Variants in CHST9 observed in about 807,000 individuals in gnomAD.
The protein encoded by CHST9 is carbohydrate sulfotransferase 9.
CHST9 carries 41 observed loss-of-function variants against 44.4 expected under a neutral mutation model. The ratio of observed to expected loss-of-function variants is 0.92; its 90% CI spans 0.72 to 1.20. The LOEUF (loss-of-function observed/expected upper bound fraction) is 1.20, where lower values mean the gene tolerates loss of function less well. CHST9 is among the 50% of genes most tolerant of loss of function. CHST9 has a pLI of 0.00. For synonymous variants in CHST9, 171 were observed against 178.4 expected (o/e 0.96, Z 0.33); for missense variants, 504 against 516.5 (o/e 0.98, Z 0.23).
intron 4 of CHST9, among the ~76,000 whole-genome samples, chr18:26,981,158 CA>C (rs753223956): frequency 6.6e-6 from 1 of 152,138 alleles, no homozygotes; most frequent in Non-Finnish European, 1.5e-5. Flanking sequence ...GAATTGGTTA[CA>C]GGCTGAATTT....
At position 27,006,822 on chromosome 18, in the gene CHST9, A is replaced by G. The variant is rs374073820; in HGVS notation, c.202+17294T>C. Among the ~76,000 whole-genome samples the G allele has an allele frequency of 1.4e-4, 22 of 152,342 alleles. 1 individual carries two copies. In the South Asian group the frequency reaches 3.9e-3, roughly 27 times the overall value. ...GAGTCAAAGCCAGCAAAGCCGGGTC[A>G]TTTGAACAGCCTTGGTGCAGGTAAA... On this transcript the variant is annotated intron_variant, in intron 4 of 5. Transcript: ENST00000618847.
intron 1 of CHST9, among the ~76,000 whole-genome samples, chr18:27,176,278 T>A (rs2058867360): frequency 6.6e-6 from 1 of 152,044 alleles, no homozygotes; most frequent in South Asian, 2.1e-4. Flanking sequence ...TATTTGCATT[T>A]TGAATGCAAA....
At chr18:27,138,124 G>A (rs577834831) in intron 2 of CHST9, among the ~76,000 whole-genome samples, 1 of 152,240 alleles carries the variant, frequency 6.6e-6, no homozygotes, top group Admixed American at 6.5e-5. Flanking sequence ...TGGAGGGCCT[G>A]TCTCTTTTCT....
chr18:27,006,359 C>T (rs184479013), intron 4 of CHST9, among the ~76,000 whole-genome samples: 1 of 152,270 alleles, frequency 6.6e-6, no homozygotes, highest in East Asian at 1.9e-4. Flanking sequence ...AAGAAGTCCA[C>T]CAATTCCAAT....
intron 4 of CHST9, among the ~76,000 whole-genome samples, chr18:26,983,331 G>A (rs2056715548): frequency 6.6e-6 from 1 of 152,178 alleles, no homozygotes; most frequent in Non-Finnish European, 1.5e-5. Flanking sequence ...GATGGGACCT[G>A]TTGAGAGGAA....
At chr18:27,153,546 CTGTGTGTGTGTGTGTGTGTGTATGTG>C (rs1207803671) in intron 1 of CHST9, among the ~76,000 whole-genome samples, 1 of 138,504 alleles carries the variant, frequency 7.2e-6, no homozygotes, top group Non-Finnish European at 1.6e-5. Flanking sequence ...CTCTCTCTCT[CTGTGTGTGTGTGTGTGTGTGTATGTG>C]TGTGTGTGTG....
chr18:27,042,698 A>G (rs1001266187), intron 3 of CHST9, among the ~76,000 whole-genome samples: 1 of 152,124 alleles, frequency 6.6e-6, no homozygotes, highest in Non-Finnish European at 1.5e-5. Context: ...TACTGGGCGC[A>G]GAGCCTGAAA....
At chr18:26,917,778 T>G (rs147419356) in intron 5 of CHST9, among the ~76,000 whole-genome samples, 388 of 152,306 alleles carry the variant, frequency 2.5e-3, no homozygotes, top group South Asian at 6.8e-3. Flanking sequence ...ATGCACAGAA[T>G]AGTTCAAAAT....
At chr18:27,144,215 C>T (rs2058593392) in intron 1 of CHST9, among the ~76,000 whole-genome samples, 1 of 152,174 alleles carries the variant, frequency 6.6e-6, no homozygotes, top group African/African-American at 2.4e-5. Context: ...ATTGCTGCAT[C>T]AAAAAGTTAT....
At chr18:27,025,132 T>C (rs1404890892) in intron 3 of CHST9, among the ~76,000 whole-genome samples, 1 of 148,160 alleles carries the variant, frequency 6.7e-6, no homozygotes, top group African/African-American at 2.4e-5. Context: ...ATATATTTTA[T>C]ATAATATATA....
intron 4 of CHST9, among the ~76,000 whole-genome samples, chr18:26,945,400 T>G (rs1221706316): frequency 1.3e-5 from 2 of 152,094 alleles, no homozygotes; most frequent in African/African-American, 4.8e-5. Flanking sequence ...TTTTGTCCAC[T>G]ACACTACATC....
intron 4 of CHST9, among the ~76,000 whole-genome samples, chr18:26,970,390 AT>A (rs1284002658): frequency 6.6e-6 from 1 of 152,148 alleles, no homozygotes; most frequent in Admixed American, 6.5e-5. Context: ...GTATTGATTC[AT>A]TTAAACTACA....
At chr18:26,978,912 G>A (rs1021548405) in intron 4 of CHST9, among the ~76,000 whole-genome samples, 1 of 152,174 alleles carries the variant, frequency 6.6e-6, no homozygotes, top group Non-Finnish European at 1.5e-5. Context: ...CGAACCCAAG[G>A]GAGAGTCAAG....
chr18:26,937,745 AAG>A (rs1337639200), intron 5 of CHST9, among the ~76,000 whole-genome samples: 3 of 152,086 alleles, frequency 2.0e-5, no homozygotes, highest in Non-Finnish European at 4.4e-5. Flanking sequence ...TGTGAGGTTT[AAG>A]AGAGATAATT....
At chr18:27,122,540 A>G (rs536876303) in intron 2 of CHST9, among the ~76,000 whole-genome samples, 100 of 152,354 alleles carry the variant, frequency 6.6e-4, no homozygotes, top group South Asian at 2.1e-3. Flanking sequence ...AGACTTAGGT[A>G]ATAGTTCCAC....
intron 2 of CHST9, among the ~76,000 whole-genome samples, chr18:27,100,729 T>C (rs1483483169): frequency 2.0e-5 from 3 of 152,242 alleles, no homozygotes; most frequent in Non-Finnish European, 4.4e-5. Flanking sequence ...CTAGTGTGTA[T>C]ATTATATGGG....
intron 4 of CHST9, among the ~76,000 whole-genome samples, chr18:26,954,199 GA>G (rs549508246): frequency 2.9e-4 from 44 of 152,266 alleles, no homozygotes; most frequent in Middle Eastern, 3.4e-3. Context: ...ACCTCTCAAA[GA>G]AGCATAGAGA....
chr18:26,994,376 G>A (rs940918715), intron 4 of CHST9, among the ~76,000 whole-genome samples: 1 of 152,182 alleles, frequency 6.6e-6, no homozygotes, highest in African/African-American at 2.4e-5. Flanking sequence ...TCTGTGTTGT[G>A]TGTGTGTGTG....
intron 2 of CHST9, among the ~76,000 whole-genome samples, chr18:27,129,163 ACACG>A (rs1178302634): frequency 1.9e-3 from 293 of 152,244 alleles, no homozygotes; most frequent in African/African-American, 6.8e-3. Context: ...TCTGTATAAA[ACACG>A]ATAAAACTTT....
Sources: allele counts gnomAD v4.1 joint callset (sites outside exome capture counted in the v4.1 genomes callset), GRCh38; gene constraint gnomAD v4.1.1; transcripts MANE v1.5; gene names NCBI Gene and HGNC (gene_info 2026-07-23, HGNC 2026-07-21).